The following ULK4 variants were observed in gnomAD, a reference collection of about 807,000 sequenced individuals.
ULK4 encodes the protein inactive serine/threonine-protein kinase ULK4.
In ULK4, 133 loss-of-function variants were observed where a neutral mutation model predicts 160.6. That is an observed-to-expected ratio of 0.83 (90% CI 0.72 to 0.96). The LOEUF (loss-of-function observed/expected upper bound fraction) is 0.96. ULK4 is among the 40% of genes least tolerant of loss of function. The pLI is 0.00. For synonymous variants in ULK4, 534 were observed against 539.8 expected (o/e 0.99, Z 0.15); for missense variants, 1,580 against 1,499.5 (o/e 1.05, Z -0.89).
rs757611081 is a variant in ULK4 at position 41,267,018 on chromosome 3, TGG to T, written c.3679-17446_3679-17445del. 3.7e-3 allele frequency among the ~76,000 whole-genome samples: 250 copies of T among 67,466 alleles called. 5 individuals are homozygous for T. Among genetic ancestry groups the T allele is most frequent in the African/African-American group, 0.014 (232 of 17,086 alleles). The allele number at this position is 67,466 out of a possible 152,430, so 44.3% of individuals were successfully genotyped here. A position where few individuals can be genotyped will look rare whatever the true frequency, so the allele number is the denominator to read the frequency against. On this transcript the variant is annotated intron_variant, in intron 35 of 36. Transcript: ENST00000301831. ...TGTGTGAGTAAATCTGTGTCTCTAT[TGG>T]GGGGGGGGGGTTTAAGGCTTTTTTT...
At chr3:41,855,365 C>T (rs1187154138) in intron 17 of ULK4, among the ~76,000 whole-genome samples, 1 of 152,220 alleles carries the variant, frequency 6.6e-6, no homozygotes, top group Non-Finnish European at 1.5e-5. Flanking sequence ...GGTACTGCCA[C>T]ACTGTTGTGG....
At chr3:41,522,762 A>T (rs1017684344) in intron 32 of ULK4, among the ~76,000 whole-genome samples, 5 of 152,234 alleles carry the variant, frequency 3.3e-5, no homozygotes, top group Admixed American at 2.6e-4. Context: ...TTATGGTCTC[A>T]GTCTCTGCCA....
At chr3:41,361,100 T>G (rs1175617508) in intron 35 of ULK4, among the ~76,000 whole-genome samples, 1 of 152,100 alleles carries the variant, frequency 6.6e-6, no homozygotes, top group Non-Finnish European at 1.5e-5. Context: ...TGAGACCTGG[T>G]GCAGAAGCTG....
chr3:41,749,441 C>A (rs1234176245), intron 22 of ULK4, among the ~76,000 whole-genome samples: 1 of 152,190 alleles, frequency 6.6e-6, no homozygotes, highest in Non-Finnish European at 1.5e-5. Flanking sequence ...CGAGATCACA[C>A]CACTGCACTA....
chr3:41,417,896 C>T (rs2082564980), intron 34 of ULK4, among the ~76,000 whole-genome samples: 1 of 152,144 alleles, frequency 6.6e-6, no homozygotes, highest in Non-Finnish European at 1.5e-5. Context: ...ACTTGAAAAA[C>T]AGCAGGTGCA....
chr3:41,654,610 G>A (rs2034863021), intron 30 of ULK4, among the ~76,000 whole-genome samples: 1 of 152,108 alleles, frequency 6.6e-6, no homozygotes, highest in Admixed American at 6.5e-5. Context: ...TCTTTAAAAA[G>A]CTTTCGATTC....
At chr3:41,645,760 T>C (rs1283242873) in intron 30 of ULK4, among the ~76,000 whole-genome samples, 1 of 152,162 alleles carries the variant, frequency 6.6e-6, no homozygotes, top group African/African-American at 2.4e-5. Context: ...TAACTTTCTG[T>C]CTTGTTGATC....
At chr3:41,711,657 C>A (rs1311096362) in intron 25 of ULK4, among the ~76,000 whole-genome samples, 2 of 152,118 alleles carry the variant, frequency 1.3e-5, no homozygotes, top group Non-Finnish European at 2.9e-5. Flanking sequence ...TTGTAGAAAA[C>A]TATAACCACC....
At chr3:41,307,156 A>C (rs2079960617) in intron 35 of ULK4, among the ~76,000 whole-genome samples, 1 of 111,302 alleles carries the variant, frequency 9.0e-6, no homozygotes, top group Non-Finnish European at 1.9e-5. Context: ...AAAATAAATA[A>C]ATTAAAAAAA....
chr3:41,358,153 C>A (rs2081063658), intron 35 of ULK4, among the ~76,000 whole-genome samples: 1 of 152,222 alleles, frequency 6.6e-6, no homozygotes, highest in Non-Finnish European at 1.5e-5. Flanking sequence ...AGGGCAAACA[C>A]ACCACAATGG....
At chr3:41,928,564 T>TG (rs1343328026) in intron 5 of ULK4, among the ~76,000 whole-genome samples, 2 of 32,588 alleles carry the variant, frequency 6.1e-5, no homozygotes, top group South Asian at 3.2e-3. Flanking sequence ...ATCTAGGAGC[T>TG]GTTTTTTTTT....
rs142889123 is a variant in ULK4 at position 41,294,471 on chromosome 3, G to A, written c.3679-44897C>T. Among the ~76,000 whole-genome samples, 127 of 152,352 alleles carry A rather than the reference G, an allele frequency of 8.3e-4. 1 individual carries two copies. The highest frequency in any genetic ancestry group is 3.0e-3 in the African/African-American group (126 of 41,584). ...GACAACAGATCATTTGAGACCAGCTGTCACAGGCTTTGTGTACCATGTTTA... is the reference window on the plus strand; with the variant it reads ...GACAACAGATCATTTGAGACCAGCTATCACAGGCTTTGTGTACCATGTTTA... On this transcript the variant is annotated intron_variant, in intron 35 of 36. Transcript: ENST00000301831.
chr3:41,555,191 A>C (rs189429590), intron 32 of ULK4, among the ~76,000 whole-genome samples: 5 of 152,258 alleles, frequency 3.3e-5, no homozygotes, highest in African/African-American at 1.2e-4. Context: ...AAAAAATACA[A>C]ACACACACAT....
chr3:41,889,917 A>G (rs1236428591), intron 16 of ULK4, among the ~76,000 whole-genome samples: 2 of 152,258 alleles, frequency 1.3e-5, no homozygotes, highest in Non-Finnish European at 2.9e-5. Flanking sequence ...AGGATTATTC[A>G]GCTATAAAAA....
At chr3:41,358,948 G>A (rs2081078944) in intron 35 of ULK4, among the ~76,000 whole-genome samples, 1 of 152,162 alleles carries the variant, frequency 6.6e-6, no homozygotes, top group Admixed American at 6.5e-5. Flanking sequence ...AGCAGTGGAG[G>A]TGGTAAAAAT....
At chr3:41,573,152 A>G (rs2088062548) in intron 31 of ULK4, among the ~76,000 whole-genome samples, 1 of 152,242 alleles carries the variant, frequency 6.6e-6, no homozygotes, top group Non-Finnish European at 1.5e-5. Context: ...ATTAGAATTA[A>G]AGCAGCAAAA....
intron 29 of ULK4, among the ~76,000 whole-genome samples, chr3:41,680,557 A>C (rs1240908847): frequency 1.3e-5 from 2 of 152,182 alleles, no homozygotes; most frequent in African/African-American, 4.8e-5. Context: ...GGTTTTCTTT[A>C]ATGTGAACCT....
At chr3:41,771,282 G>C (rs1448187515) in intron 21 of ULK4, among the ~76,000 whole-genome samples, 3 of 152,152 alleles carry the variant, frequency 2.0e-5, no homozygotes, top group Non-Finnish European at 4.4e-5. Flanking sequence ...TTCAATGAGA[G>C]ATGGAGTTCC....
intron 31 of ULK4, among the ~76,000 whole-genome samples, chr3:41,605,549 T>C (rs2032338264): frequency 1.3e-5 from 2 of 151,966 alleles, no homozygotes; most frequent in Admixed American, 6.6e-5. Context: ...TTCATCAAGA[T>C]GACATAAAAT....
Sources: allele counts gnomAD v4.1 joint callset (sites outside exome capture counted in the v4.1 genomes callset), GRCh38; gene constraint gnomAD v4.1.1; transcripts MANE v1.5; gene names NCBI Gene and HGNC (gene_info 2026-07-23, HGNC 2026-07-21).